The following SOX5 variants were observed in gnomAD, a reference collection of about 807,000 sequenced individuals.
SOX5 encodes SRY-box transcription factor 5.
SOX5 carries 9 observed loss-of-function variants against 92.0 expected under a neutral mutation model. That is an observed-to-expected ratio of 0.10 (90% CI 0.06 to 0.17). The LOEUF (loss-of-function observed/expected upper bound fraction) is 0.17, where lower values mean the gene tolerates loss of function less well. SOX5 is among the 10% of genes least tolerant of loss of function. The probability of loss-of-function intolerance (pLI) is 1.00; values close to 1 mark genes in which losing one functional copy is unlikely to be tolerated. For missense variants in SOX5, 642 were observed against 944.5 expected (o/e 0.68, Z 4.20); for synonymous variants, 344 against 336.3 (o/e 1.02, Z -0.25).
chr12:24,130,577 A>C (rs529633673), intron 4 of SOX5, among the ~76,000 whole-genome samples: 2 of 152,212 alleles, frequency 1.3e-5, no homozygotes, highest in South Asian at 2.1e-4. Flanking sequence ...GCAGCAAAGG[A>C]AAAACAAGAG....
At chr12:24,169,523 A>G (rs1953821087) in intron 4 of SOX5, among the ~76,000 whole-genome samples, 1 of 152,224 alleles carries the variant, frequency 6.6e-6, no homozygotes, top group Non-Finnish European at 1.5e-5. Flanking sequence ...TTACTCGGCC[A>G]TGATCTTCAT....
rs531362602 is a variant in SOX5 at position 24,318,067 on chromosome 12, T to C, written c.-173-40755A>G. Among the ~76,000 whole-genome samples, 5 of 152,066 alleles carry C rather than the reference T, an allele frequency of 3.3e-5. No homozygotes were observed. In the South Asian group the frequency reaches 1.0e-3, roughly 32 times the overall value. On this transcript the variant is annotated intron_variant, in intron 2 of 4. Coordinates refer to the SOX5 transcript ENST00000446891. ...CTCTACTAAAAATACAAAAATTAGC[T>C]GGGCATGGGCACCCAGCTGTAATCC...
intron 3 of SOX5, among the ~76,000 whole-genome samples, chr12:23,828,337 C>T (rs1161875366): frequency 1.3e-5 from 2 of 152,086 alleles, no homozygotes; most frequent in African/African-American, 2.4e-5. Context: ...TGTGTGTGCA[C>T]ACACACACAT....
chr12:24,216,165 C>A (rs1410383012), intron 3 of SOX5, among the ~76,000 whole-genome samples: 2 of 152,158 alleles, frequency 1.3e-5, no homozygotes, highest in East Asian at 1.9e-4. Flanking sequence ...AGATAGCCTA[C>A]AGGATGGGGG....
At chr12:24,318,430 G>T (rs541649324) in intron 2 of SOX5, among the ~76,000 whole-genome samples, 1 of 152,104 alleles carries the variant, frequency 6.6e-6, no homozygotes, top group Non-Finnish European at 1.5e-5. Context: ...CTGAGAGACG[G>T]TACATCTATG....
At chr12:23,994,694 A>G (rs1242894313) in intron 4 of SOX5, among the ~76,000 whole-genome samples, 1 of 152,068 alleles carries the variant, frequency 6.6e-6, no homozygotes, top group Non-Finnish European at 1.5e-5. Flanking sequence ...AGGAGAGAGG[A>G]GAGCTCTAAA....
chr12:24,171,231 T>G (rs796331172), intron 4 of SOX5, among the ~76,000 whole-genome samples: 14,610 of 120,554 alleles, frequency 0.12, 2,655 homozygotes, highest in East Asian at 0.41. Flanking sequence ...GTTTGTTTGT[T>G]TTTTTTTTTG....
chr12:23,642,422 C>T (rs1369820456), intron 7 of SOX5, among the ~76,000 whole-genome samples: 1 of 152,168 alleles, frequency 6.6e-6, no homozygotes, highest in African/African-American at 2.4e-5. Context: ...ATGTTAAAGA[C>T]AGCCTCCAGG....
At chr12:23,902,651 T>G (rs1357564167) in intron 1 of SOX5, among the ~76,000 whole-genome samples, 3 of 152,196 alleles carry the variant, frequency 2.0e-5, no homozygotes, top group Non-Finnish European at 4.4e-5. Context: ...AGAATGTCAT[T>G]TTTAATTTCT....
At chr12:24,386,928 G>T (rs957098239) in intron 1 of SOX5, among the ~76,000 whole-genome samples, 1 of 152,158 alleles carries the variant, frequency 6.6e-6, no homozygotes, top group African/African-American at 2.4e-5. Flanking sequence ...ACAGGCTTGA[G>T]TATTCCTTCC....
chr12:23,661,070 C>T (rs1005915065), intron 7 of SOX5, among the ~76,000 whole-genome samples: 1 of 152,150 alleles, frequency 6.6e-6, no homozygotes, highest in African/African-American at 2.4e-5. Context: ...CAGTTTGATA[C>T]TTTGAGCCAC....
intron 14 of SOX5, among the ~76,000 whole-genome samples, chr12:23,536,246 C>G (rs946615251): frequency 6.6e-6 from 1 of 152,124 alleles, no homozygotes; most frequent in African/African-American, 2.4e-5. Flanking sequence ...CAGTTGTTAA[C>G]AAATCTCATG....
intron 3 of SOX5, among the ~76,000 whole-genome samples, chr12:23,769,906 C>A (rs1004328234): frequency 1.3e-5 from 2 of 152,016 alleles, no homozygotes; most frequent in African/African-American, 4.8e-5. Context: ...TTTTATAATA[C>A]CACCTTCTTA....
At chr12:24,071,479 A>G (rs1007319984) in intron 4 of SOX5, among the ~76,000 whole-genome samples, 11 of 152,090 alleles carry the variant, frequency 7.2e-5, no homozygotes, top group Admixed American at 7.2e-4. Context: ...CTGTTGCCCA[A>G]GCTGGAGTGC....
chr12:23,820,800 G>A (rs1042479399), intron 3 of SOX5, among the ~76,000 whole-genome samples: 2 of 152,142 alleles, frequency 1.3e-5, no homozygotes, highest in South Asian at 4.1e-4. Context: ...TTTCATACCA[G>A]TACCGTGGTG....
rs1025153289 is a variant in SOX5 at position 24,057,036 on chromosome 12, G to C, written c.-2+156307C>G. ...AAGTAAGTAAGTAAATGGCCTCTCT[G>C]TTCATGTTACAAATCTTCTATAGTT... On this transcript the variant is annotated intron_variant, in intron 4 of 4. Coordinates refer to the SOX5 transcript ENST00000446891. Among the ~76,000 whole-genome samples, 5 of 147,986 alleles carry C rather than the reference G, an allele frequency of 3.4e-5. No individual in the cohort carries two copies. The East Asian group carries it at 9.8e-4, about 29-fold the overall frequency.
chr12:23,825,170 C>T (rs1308818632), intron 3 of SOX5, among the ~76,000 whole-genome samples: 1 of 152,144 alleles, frequency 6.6e-6, no homozygotes, highest in Non-Finnish European at 1.5e-5. Flanking sequence ...TCAGTGCCTG[C>T]CCAAACGGCT....
intron 1 of SOX5, among the ~76,000 whole-genome samples, chr12:24,459,078 T>C (rs1010678852): frequency 6.6e-6 from 1 of 152,156 alleles, no homozygotes; most frequent in African/African-American, 2.4e-5. Flanking sequence ...AACATCCAAA[T>C]AGGGATGATT....
At chr12:23,581,945 A>C (rs1950101023) in intron 9 of SOX5, among the ~76,000 whole-genome samples, 1 of 152,000 alleles carries the variant, frequency 6.6e-6, no homozygotes, top group Non-Finnish European at 1.5e-5. Context: ...CCTCTGCATG[A>C]TTTGAAAACT....
Sources: gnomAD v4.1 joint callset for allele counts (sites outside exome capture counted in the v4.1 genomes callset) on GRCh38, gnomAD v4.1.1 for gene constraint, MANE v1.5 for transcripts, NCBI Gene and HGNC (gene_info 2026-07-23, HGNC 2026-07-21) for gene names.